Variants in MAD1L1 observed in about 807,000 individuals in gnomAD.
MAD1L1 encodes the protein mitotic spindle assembly checkpoint protein MAD1.
MAD1L1 carries 95 observed loss-of-function variants against 96.9 expected under a neutral mutation model. The observed-to-expected ratio is 0.98, with a 90% confidence interval of 0.83 to 1.16. MAD1L1 has a LOEUF of 1.16. Ranked by LOEUF, MAD1L1 falls within the 50% of genes most tolerant of loss-of-function variation. MAD1L1 has a pLI of 0.00. For synonymous variants in MAD1L1, 473 were observed against 396.6 expected, an observed-to-expected ratio of 1.19 and a Z score of -2.29; for missense variants, 1,007 against 954.4, an observed-to-expected ratio of 1.06 and a Z score of -0.73.
intron 12 of MAD1L1, among the ~76,000 whole-genome samples, chr7:2,026,317 G>A (rs975459085): frequency 6.6e-6 from 1 of 152,120 alleles, no homozygotes; most frequent in Non-Finnish European, 1.5e-5. Flanking sequence ...AAGACATACT[G>A]CAATAATTGA....
intron 17 of MAD1L1, among the ~76,000 whole-genome samples, chr7:1,925,623 C>T (rs947702777): frequency 2.1e-4 from 32 of 152,208 alleles, no homozygotes; most frequent in Non-Finnish European, 1.5e-4. Context: ...CCAGGAGGCC[C>T]CACCTCCCAA....
At chr7:2,006,546 A>G (rs1472255771) in intron 13 of MAD1L1, among the ~76,000 whole-genome samples, 3 of 152,124 alleles carry the variant, frequency 2.0e-5, no homozygotes, top group Non-Finnish European at 4.4e-5. Context: ...CGCACGGCCC[A>G]GCACAGGAGA....
intron 11 of MAD1L1, among the ~76,000 whole-genome samples, chr7:2,072,914 G>A (rs35145970): frequency 0.18 from 27,750 of 152,246 alleles, 2,999 homozygotes; most frequent in Middle Eastern, 0.34. Context: ...GAGTCCCCCC[G>A]CCACGCAGAG....
chr7:1,839,090 G>T (rs561294353), intron 18 of MAD1L1, among the ~76,000 whole-genome samples: 41 of 152,328 alleles, frequency 2.7e-4, no homozygotes, highest in African/African-American at 9.9e-4. Flanking sequence ...CCGTGCCCTG[G>T]GGCAGGGATG....
chr7:2,222,370 G>A lies in MAD1L1; in HGVS notation c.471+205C>T, dbSNP rs118057712. The stretch of plus-strand genomic sequence containing the variant: ...GCTGGGATTACAGGCGTGAGCCACC[G>A]CGCCCGGCCCAAAGTCTCAACTTTT... On this transcript the variant is annotated intron_variant, in intron 5 of 18. Transcript: ENST00000265854. Among the ~76,000 whole-genome samples the A allele has an allele frequency of 2.6e-4, 40 of 152,276 alleles. No individual in the cohort carries two copies. In the East Asian group the frequency reaches 6.6e-3, roughly 25 times the overall value.
intron 10 of MAD1L1, among the ~76,000 whole-genome samples, chr7:2,201,423 C>T (rs2114955611): frequency 6.6e-6 from 1 of 152,224 alleles, no homozygotes; most frequent in East Asian, 1.9e-4. Context: ...AGCCCCTAGC[C>T]CACAAGGAGG....
chr7:1,938,543 C>T (rs1293087475), intron 16 of MAD1L1, among the ~76,000 whole-genome samples: 1 of 151,480 alleles, frequency 6.6e-6, no homozygotes, highest in Non-Finnish European at 1.5e-5. Flanking sequence ...AGATCCAGAA[C>T]ATACGAAGAA....
At chr7:1,875,743 A>C (rs918952110) in intron 18 of MAD1L1, among the ~76,000 whole-genome samples, 20 of 152,252 alleles carry the variant, frequency 1.3e-4, no homozygotes, top group African/African-American at 4.8e-4. Flanking sequence ...TCTATGATGT[A>C]ACCGAGCGGG....
chr7:2,133,071 G>A (rs1027408176), intron 11 of MAD1L1, among the ~76,000 whole-genome samples: 11 of 148,056 alleles, frequency 7.4e-5, no homozygotes, highest in African/African-American at 2.0e-4. Flanking sequence ...ATCTCCTCAC[G>A]TGCTTCTCCG....
At chr7:2,081,043 A>G (rs757013856) in intron 11 of MAD1L1, among the ~76,000 whole-genome samples, 9 of 152,182 alleles carry the variant, frequency 5.9e-5, no homozygotes, top group Non-Finnish European at 1.0e-4. Context: ...GGGTGAGAAG[A>G]TGCCTGAGCC....
intron 18 of MAD1L1, among the ~76,000 whole-genome samples, chr7:1,842,281 C>T (rs1783309235): frequency 6.6e-6 from 1 of 152,232 alleles, no homozygotes; most frequent in African/African-American, 2.4e-5. Flanking sequence ...AGACACCCTT[C>T]CCACCTGTGC....
intron 18 of MAD1L1, among the ~76,000 whole-genome samples, chr7:1,889,530 C>T (rs1330220607): frequency 5.3e-5 from 8 of 152,154 alleles, no homozygotes; most frequent in African/African-American, 1.7e-4. Context: ...AGGCCTGCAC[C>T]GGTGGTTCTG....
At chr7:1,834,628 T>G (rs61164094) in intron 18 of MAD1L1, among the ~76,000 whole-genome samples, 1 of 152,090 alleles carries the variant, frequency 6.6e-6, no homozygotes. Flanking sequence ...GATGTGTAGT[T>G]AAAACCTCAG....
At chr7:1,837,941 C>T (rs567607390) in intron 18 of MAD1L1, among the ~76,000 whole-genome samples, 37 of 152,308 alleles carry the variant, frequency 2.4e-4, no homozygotes, top group African/African-American at 8.7e-4. Context: ...GTGGTGGCAT[C>T]GGGGGCAGGT....
At chr7:1,882,006 C>T (rs1785709983) in intron 18 of MAD1L1, among the ~76,000 whole-genome samples, 1 of 152,210 alleles carries the variant, frequency 6.6e-6, no homozygotes, top group Non-Finnish European at 1.5e-5. Flanking sequence ...GCGACCTCCC[C>T]CACACCCTCT....
intron 12 of MAD1L1, among the ~76,000 whole-genome samples, chr7:2,019,687 C>T (rs1782697710): frequency 6.6e-6 from 1 of 151,768 alleles, no homozygotes; most frequent in Non-Finnish European, 1.5e-5. Context: ...CCACGCCTCG[C>T]CACCCTCCAC....
intron 10 of MAD1L1, among the ~76,000 whole-genome samples, chr7:2,180,142 A>G (rs1791132334): frequency 6.6e-6 from 1 of 152,206 alleles, no homozygotes; most frequent in Non-Finnish European, 1.5e-5. Flanking sequence ...CTGACACAGA[A>G]AAGCTAAGAA....
intron 18 of MAD1L1, among the ~76,000 whole-genome samples, chr7:1,841,754 C>T (rs1459634917): frequency 6.6e-6 from 1 of 152,238 alleles, no homozygotes; most frequent in Non-Finnish European, 1.5e-5. Context: ...CTGCTGTCCC[C>T]GTCCTGGCTG....
intron 18 of MAD1L1, among the ~76,000 whole-genome samples, chr7:1,867,059 C>T (rs1784810391): frequency 6.6e-6 from 1 of 152,196 alleles, no homozygotes; most frequent in African/African-American, 2.4e-5. Flanking sequence ...CCTGCTGGCC[C>T]AGTGGGTGAG....
Sources: gnomAD v4.1 joint callset for allele counts (sites outside exome capture counted in the v4.1 genomes callset) on GRCh38, gnomAD v4.1.1 for gene constraint, MANE v1.5 for transcripts, NCBI Gene and HGNC (gene_info 2026-07-23, HGNC 2026-07-21) for gene names.